FLRT2: variants seen among roughly 807,000 people sequenced by gnomAD.
FLRT2 encodes fibronectin leucine rich transmembrane protein 2.
A neutral mutation model predicts 40.0 loss-of-function variants in FLRT2; 15 were observed. The observed-to-expected ratio is 0.38, with a 90% CI of 0.25 to 0.58. The LOEUF is 0.58. Among genes scored for constraint, FLRT2 ranks in the 20% least tolerant of loss-of-function variants. The pLI is 0.71. For missense variants in FLRT2, 726 were observed against 840.0 expected (o/e 0.86, Z 1.68); for synonymous variants, 380 against 336.8 (o/e 1.13, Z -1.41).
Position 85,631,835 on chromosome 14 carries a change from A to T in FLRT2, c.*8338A>T, listed in dbSNP as rs1051492711. 5.3e-5 allele frequency: 8 copies of T among 150,736 alleles called. No homozygotes were observed. The highest frequency in any genetic ancestry group is 2.0e-4 in the East Asian group (1 of 5,104). 9.3% of individuals were successfully genotyped at this position (150,736 alleles called of 1,614,324 possible). On this transcript the variant is annotated 3_prime_UTR_variant, in exon 2 of 2. Coordinates refer to ENST00000330753, the MANE Select transcript of FLRT2 (RefSeq NM_013231.6). The stretch of plus-strand genomic sequence containing the variant: ...GAACATCTTTTTATTTTATTTATTT[A>T]TTTTTTTTTGAGTTGGAGTCTCACT...
chr14:85,588,271 T>C (rs963031444), intron 1 of FLRT2, among the ~76,000 whole-genome samples: 2 of 152,172 alleles, frequency 1.3e-5, no homozygotes, highest in African/African-American at 4.8e-5. Context: ...TTACTAAGAA[T>C]AATAAAAATA....
chr14:85,589,132 A>G (rs1891770384), intron 1 of FLRT2, among the ~76,000 whole-genome samples: 1 of 152,120 alleles, frequency 6.6e-6, no homozygotes, highest in African/African-American at 2.4e-5. Context: ...ATATCCAGTA[A>G]TGCAATTGCT....
At chr14:85,570,371 AC>A (rs1890831374) in intron 1 of FLRT2, among the ~76,000 whole-genome samples, 1 of 152,144 alleles carries the variant, frequency 6.6e-6, no homozygotes, top group Non-Finnish European at 1.5e-5. Flanking sequence ...TTACTTTCTT[AC>A]CTTAATCTGA....
intron 1 of FLRT2, chr14:85,562,578 A>G (rs1272133476): frequency 1.3e-5 from 2 of 149,676 alleles, no homozygotes; most frequent in Non-Finnish European, 3.0e-5. Context: ...AGTTACTTGA[A>G]GCTGGTTCCC....
intron 1 of FLRT2, among the ~76,000 whole-genome samples, chr14:85,578,223 T>TA (rs1891218919): frequency 6.8e-6 from 1 of 146,592 alleles, no homozygotes; most frequent in Non-Finnish European, 1.5e-5. Context: ...TACGTATATA[T>TA]ATTTATATAT....
intron 1 of FLRT2, among the ~76,000 whole-genome samples, chr14:85,596,214 T>A (rs1294921507): frequency 2.0e-5 from 3 of 152,204 alleles, no homozygotes; most frequent in African/African-American, 7.2e-5. Context: ...CGTTGTTTGT[T>A]TTCACACGTT....
chr14:85,604,344 A>C (rs921268860), intron 1 of FLRT2, among the ~76,000 whole-genome samples: 3 of 152,186 alleles, frequency 2.0e-5, no homozygotes, highest in Non-Finnish European at 2.9e-5. Context: ...CTCTGTTTTC[A>C]ACATTTATAT....
Position 85,650,029 on chromosome 14 carries a change from C to T in FLRT2, c.*26532C>T, listed in dbSNP as rs191052134. On this transcript the variant is annotated 3_prime_UTR_variant, in exon 2 of 2. Transcript: ENST00000330753. ...AGCTTTGTCTGAAATTAATATCATC[C>T]TAAATTTGCTTCATTGCTTTTATTC... 1.3e-5 allele frequency: 2 copies of T among 152,028 alleles called. No homozygotes were observed. The highest frequency in any genetic ancestry group is 6.6e-5 in the Admixed American group (1 of 15,250). 9.4% of individuals were successfully genotyped at this position (152,028 alleles called of 1,614,324 possible). A position where few individuals can be genotyped will look rare whatever the true frequency, so the allele number is the denominator to read the frequency against.
At chr14:85,592,720 C>T (rs748409607) in intron 1 of FLRT2, among the ~76,000 whole-genome samples, 7 of 137,326 alleles carry the variant, frequency 5.1e-5, no homozygotes, top group South Asian at 2.2e-4. Context: ...ACCCAGGAGG[C>T]GAAGGTTGCA....
Position 85,632,048 on chromosome 14 carries a change from A to G in FLRT2, c.*8551A>G, listed in dbSNP as rs1893888587. 6.6e-6 allele frequency: 1 copy of G among 151,534 alleles called. No homozygotes were observed. Among genetic ancestry groups the G allele is most frequent in the Admixed American group, 6.6e-5 (1 of 15,208 alleles). The allele number at this position is 151,534 out of a possible 1,614,324, so 9.4% of individuals were successfully genotyped here. A position where few individuals can be genotyped will look rare whatever the true frequency, so the allele number is the denominator to read the frequency against. On this transcript the variant is annotated 3_prime_UTR_variant, in exon 2 of 2. Coordinates refer to ENST00000330753, the MANE Select transcript of FLRT2 (RefSeq NM_013231.6). ...GCCACATTGGCCAGGCTAGTCTCGAACTCCTGACCTCAGGTGATCCCCCCA... is the reference window on the plus strand; with the variant it reads ...GCCACATTGGCCAGGCTAGTCTCGAGCTCCTGACCTCAGGTGATCCCCCCA...
chr14:85,596,585 A>C (rs1892149261), intron 1 of FLRT2, among the ~76,000 whole-genome samples: 1 of 152,366 alleles, frequency 6.6e-6, no homozygotes, highest in East Asian at 1.9e-4. Context: ...ATGTACAAAT[A>C]GATAAAATAA....
intron 1 of FLRT2, among the ~76,000 whole-genome samples, chr14:85,554,107 G>A (rs536953348): frequency 4.6e-5 from 7 of 152,182 alleles, no homozygotes; most frequent in African/African-American, 7.2e-5. Flanking sequence ...TTTTTAAAGA[G>A]CATAACTTAT....
intron 1 of FLRT2, among the ~76,000 whole-genome samples, chr14:85,589,929 G>C (rs1891804985): frequency 6.6e-6 from 1 of 151,948 alleles, no homozygotes; most frequent in Admixed American, 6.6e-5. Context: ...TAGGTGAGTG[G>C]ATTCTCTATT....
chr14:85,548,494 G>A (rs1889411639), intron 1 of FLRT2, among the ~76,000 whole-genome samples: 1 of 152,166 alleles, frequency 6.6e-6, no homozygotes, highest in African/African-American at 2.4e-5. Flanking sequence ...AGAGGCCTTA[G>A]AACTTGATTA....
rs1893375548 is a variant in FLRT2 at position 85,621,462 on chromosome 14, T to TTTTTC, written c.-49_-48insCTTTT. 6.7e-7 allele frequency: 1 copy of TTTTTC among 1,499,948 alleles called. No homozygotes were observed. The highest frequency in any genetic ancestry group is 1.4e-5 in the African/African-American group (1 of 71,228). 92.9% of individuals were successfully genotyped at this position (1,499,948 alleles called of 1,614,324 possible). On this transcript the variant is annotated 5_prime_UTR_variant, in exon 2 of 2. Transcript: ENST00000330753. ...TCATTTTGATTTTGCTGTTTATTTTTTTTTTCTTTTTCTTTTTCCCACCAC... is the reference window on the plus strand; with the variant it reads ...TCATTTTGATTTTGCTGTTTATTTTTTTTTCTTTTTCTTTTTCTTTTTCCCACCAC...
intron 1 of FLRT2, among the ~76,000 whole-genome samples, chr14:85,552,105 A>G (rs1202906736): frequency 6.6e-6 from 1 of 152,184 alleles, no homozygotes; most frequent in African/African-American, 2.4e-5. Flanking sequence ...TTGCCCCTAA[A>G]AAAATCTGTG....
Position 85,631,190 on chromosome 14 carries a change from A to T in FLRT2, c.*7693A>T, listed in dbSNP as rs1379088631. 7.1e-6 allele frequency: 1 copy of T among 140,664 alleles called. No homozygotes were observed. Among genetic ancestry groups the T allele is most frequent in the Non-Finnish European group, 1.5e-5 (1 of 66,662 alleles). The allele number at this position is 140,664 out of a possible 1,614,324, so 8.7% of individuals were successfully genotyped here. A position where few individuals can be genotyped will look rare whatever the true frequency, so the allele number is the denominator to read the frequency against. On this transcript the variant is annotated 3_prime_UTR_variant, in exon 2 of 2. Transcript: ENST00000330753. Reference sequence around the variant, plus strand: ...CTGGGATCTCAAGTTCCTTCAAACCACTATATATGTGCTCAAGGTCTTTCA... The same window carrying T: ...CTGGGATCTCAAGTTCCTTCAAACCTCTATATATGTGCTCAAGGTCTTTCA...
At chr14:85,562,286 AG>A (rs1435880375) in intron 1 of FLRT2, among the ~76,000 whole-genome samples, 1 of 152,220 alleles carries the variant, frequency 6.6e-6, no homozygotes, top group Non-Finnish European at 1.5e-5. Flanking sequence ...ACACAGACAT[AG>A]ACATTTCTGA....
chr14:85,533,852 C>T (rs1292820890), intron 1 of FLRT2, among the ~76,000 whole-genome samples: 1 of 151,758 alleles, frequency 6.6e-6, no homozygotes, highest in Non-Finnish European at 1.5e-5. Flanking sequence ...ACGCTGCGGG[C>T]GACAGGGCTT....
Sources: allele counts gnomAD v4.1 joint callset (sites outside exome capture counted in the v4.1 genomes callset), GRCh38; gene constraint gnomAD v4.1.1; transcripts MANE v1.5; gene names NCBI Gene and HGNC (gene_info 2026-07-23, HGNC 2026-07-21).